The following ITFG1 variants were observed in gnomAD, a reference collection of about 807,000 sequenced individuals.
ITFG1 encodes T-cell immunomodulatory protein.
A neutral mutation model predicts 81.8 loss-of-function variants in ITFG1; 34 were observed. The observed-to-expected ratio is 0.42, with a 90% CI of 0.32 to 0.55. The LOEUF is 0.55. ITFG1 is among the 20% of genes least tolerant of loss of function. The pLI is 0.17. For missense variants in ITFG1, 672 were observed against 755.4 expected (o/e 0.89, Z 1.29); for synonymous variants, 285 against 270.6 (o/e 1.05, Z -0.52).
chr16:47,208,523 C>T (rs191058470), intron 14 of ITFG1, among the ~76,000 whole-genome samples: 19 of 152,282 alleles, frequency 1.2e-4, no homozygotes, highest in African/African-American at 3.8e-4. Context: ...ACGAAAGGAC[C>T]TGACATCAGG....
intron 12 of ITFG1, among the ~76,000 whole-genome samples, chr16:47,251,959 G>A (rs1348653084): frequency 1.3e-5 from 2 of 152,182 alleles, no homozygotes; most frequent in Non-Finnish European, 2.9e-5. Context: ...TGGGGACTAC[G>A]CTATATGCAA....
chr16:47,307,288 T>G (rs1967185150), intron 10 of ITFG1, among the ~76,000 whole-genome samples: 2 of 152,046 alleles, frequency 1.3e-5, no homozygotes, highest in African/African-American at 4.8e-5. Flanking sequence ...TATTAAAACT[T>G]TAATTAAAAA....
In ITFG1 at chr16:47,200,468, A is replaced by G. The variant is rs10518841; in HGVS notation, c.1453+18400T>C. 6.4e-4 allele frequency among the ~76,000 whole-genome samples: 97 copies of G among 152,368 alleles called. No individual in the cohort carries two copies. In the East Asian group the frequency reaches 0.016, roughly 26 times the overall value. ...AACAAAAGTGATGATGACAATGATTAGTAACAACAACAGAAGTTTATTTCC... is the reference window on the plus strand; with the variant it reads ...AACAAAAGTGATGATGACAATGATTGGTAACAACAACAGAAGTTTATTTCC... On this transcript the variant is annotated intron_variant, in intron 14 of 17. Coordinates refer to ENST00000320640, the MANE Select transcript of ITFG1 (RefSeq NM_030790.5).
chr16:47,189,837 T>C (rs1965271073), intron 14 of ITFG1, among the ~76,000 whole-genome samples: 1 of 152,198 alleles, frequency 6.6e-6, no homozygotes, highest in African/African-American at 2.4e-5. Flanking sequence ...GAAGGAATGG[T>C]AAAAAGCCAT....
At chr16:47,350,974 A>C (rs1967944563) in intron 8 of ITFG1, among the ~76,000 whole-genome samples, 1 of 152,016 alleles carries the variant, frequency 6.6e-6, no homozygotes, top group East Asian at 1.9e-4. Flanking sequence ...ACGTCATTTC[A>C]ATAGATGCAG....
chr16:47,250,381 A>G (rs1401396845), intron 12 of ITFG1, among the ~76,000 whole-genome samples: 1 of 151,280 alleles, frequency 6.6e-6, no homozygotes, highest in Non-Finnish European at 1.5e-5. Context: ...ATATACATAT[A>G]TTTCATACAC....
chr16:47,442,610 A>G (rs1318685911), intron 5 of ITFG1, among the ~76,000 whole-genome samples: 1 of 152,188 alleles, frequency 6.6e-6, no homozygotes, highest in Non-Finnish European at 1.5e-5. Context: ...ATCTACAACT[A>G]TCTGATCTTT....
At chr16:47,238,059 G>A in intron 12 of ITFG1, 51 bp from the exon 13 acceptor site, 1 of 1,058,344 alleles carries the variant, frequency 9.4e-7, no homozygotes, top group Non-Finnish European at 1.4e-6. Flanking sequence ...TATATTTAAA[G>A]TGAGCTCTAA....
rs79932354 is a variant in ITFG1 at position 47,378,276 on chromosome 16, A to G, written c.656-2336T>C. Among the ~76,000 whole-genome samples the G allele has an allele frequency of 3.8e-4, 58 of 152,350 alleles. No homozygotes were observed. In the East Asian group the frequency reaches 0.011, roughly 29 times the overall value. ...TTTGAAACTCTTAACCCATTTGAAAATAGAATAAATGTGGAGACATGTTTT... is the reference window on the plus strand; with the variant it reads ...TTTGAAACTCTTAACCCATTTGAAAGTAGAATAAATGTGGAGACATGTTTT... On this transcript the variant is annotated intron_variant, in intron 6 of 17. Transcript: ENST00000320640.
At chr16:47,181,431 G>C (rs376006979) in intron 14 of ITFG1, among the ~76,000 whole-genome samples, 6 of 137,850 alleles carry the variant, frequency 4.4e-5, no homozygotes, top group Non-Finnish European at 6.2e-5. Flanking sequence ...CCGGCCAGCC[G>C]CCCCGTCCGG....
At chr16:47,457,091 C>T (rs1456021831) in intron 2 of ITFG1, among the ~76,000 whole-genome samples, 1 of 152,086 alleles carries the variant, frequency 6.6e-6, no homozygotes. Flanking sequence ...AGGTGGATCA[C>T]CTGAGGTCGG....
chr16:47,406,418 G>A (rs1032124169), intron 6 of ITFG1, among the ~76,000 whole-genome samples: 15 of 152,094 alleles, frequency 9.9e-5, no homozygotes, highest in Admixed American at 8.5e-4. Flanking sequence ...GCAAACTAAC[G>A]CCAATTTCAT....
chr16:47,290,510 T>C (rs1249050116), intron 10 of ITFG1, among the ~76,000 whole-genome samples: 2 of 152,200 alleles, frequency 1.3e-5, no homozygotes, highest in African/African-American at 2.4e-5. Context: ...TGTATTTACA[T>C]TTAGAATTAT....
chr16:47,336,568 C>T (rs1164375251), intron 8 of ITFG1, among the ~76,000 whole-genome samples: 2 of 152,186 alleles, frequency 1.3e-5, no homozygotes, highest in Non-Finnish European at 2.9e-5. Flanking sequence ...GCAGACATTA[C>T]TCAAAACACT....
intron 6 of ITFG1, among the ~76,000 whole-genome samples, chr16:47,413,493 A>G (rs12719742): frequency 0.99 from 150,380 of 152,290 alleles, 74,271 homozygotes; most frequent in East Asian, 1. Flanking sequence ...CCAGGAGTTC[A>G]AGACTTGCCT....
intron 8 of ITFG1, among the ~76,000 whole-genome samples, chr16:47,348,367 G>A (rs1181683222): frequency 6.6e-6 from 1 of 152,178 alleles, no homozygotes; most frequent in Non-Finnish European, 1.5e-5. Context: ...AGTCCTTAAA[G>A]GACCTGATGG....
intron 13 of ITFG1, among the ~76,000 whole-genome samples, chr16:47,220,130 T>C (rs1425865194): frequency 1.3e-5 from 2 of 152,218 alleles, no homozygotes; most frequent in African/African-American, 4.8e-5. Flanking sequence ...GTTGTAAAGC[T>C]GAAGCTCACC....
At chr16:47,449,023 T>C (rs1969356970) in intron 5 of ITFG1, 1 of 152,196 alleles carries the variant, frequency 6.6e-6, no homozygotes, top group Non-Finnish European at 1.5e-5. Flanking sequence ...CTTCTGCTTA[T>C]CACCACTGCT....
At chr16:47,377,180 C>T (rs1397569228) in intron 6 of ITFG1, among the ~76,000 whole-genome samples, 3 of 152,004 alleles carry the variant, frequency 2.0e-5, no homozygotes, top group Non-Finnish European at 4.4e-5. Context: ...CACCCAAAAG[C>T]TAAGGAATTT....
Sources: gnomAD v4.1 joint callset for allele counts (sites outside exome capture counted in the v4.1 genomes callset) on GRCh38, gnomAD v4.1.1 for gene constraint, MANE v1.5 for transcripts, NCBI Gene and HGNC (gene_info 2026-07-23, HGNC 2026-07-21) for gene names.